Variants in SND1 observed in about 807,000 individuals in gnomAD.
The protein encoded by SND1 is staphylococcal nuclease and tudor domain containing 1.
Under a neutral mutation model 121.7 loss-of-function variants are expected in SND1, and 38 were observed. The observed-to-expected ratio is 0.31, with a 90% CI of 0.24 to 0.41. The LOEUF (loss-of-function observed/expected upper bound fraction) is 0.41. Among genes scored for constraint, SND1 ranks in the 10% least tolerant of loss-of-function variants. The probability of loss-of-function intolerance (pLI) is 1.00; values close to 1 mark genes in which losing one functional copy is unlikely to be tolerated. For missense variants in SND1, 868 were observed against 1,184.6 expected (o/e 0.73, Z 3.92); for synonymous variants, 401 against 447.4 (o/e 0.90, Z 1.31).
chr7:128,056,798 T>C (rs1314992574), intron 16 of SND1, among the ~76,000 whole-genome samples: 1 of 152,212 alleles, frequency 6.6e-6, no homozygotes, highest in African/African-American at 2.4e-5. Context: ...TACATATGCA[T>C]GCATATAATT....
chr7:128,054,787 C>T (rs1793107965), intron 16 of SND1, among the ~76,000 whole-genome samples: 1 of 152,138 alleles, frequency 6.6e-6, no homozygotes, highest in South Asian at 2.1e-4. Flanking sequence ...TCACCTATGC[C>T]CATGAATACT....
chr7:128,011,105 C>G (rs1269588889), intron 16 of SND1, among the ~76,000 whole-genome samples: 1 of 151,944 alleles, frequency 6.6e-6, no homozygotes, highest in East Asian at 1.9e-4. Flanking sequence ...CACTGTCCCC[C>G]CCACCCCCAA....
intron 7 of SND1, among the ~76,000 whole-genome samples, chr7:127,703,749 T>C (rs1403582602): frequency 6.6e-6 from 1 of 152,220 alleles, no homozygotes; most frequent in Non-Finnish European, 1.5e-5. Context: ...TAATATCTGC[T>C]GATTTTTGAG....
intron 12 of SND1, among the ~76,000 whole-genome samples, chr7:127,879,161 G>T (rs954026110): frequency 1.3e-4 from 20 of 152,076 alleles, no homozygotes; most frequent in African/African-American, 4.8e-4. Flanking sequence ...TTTGCACATT[G>T]CCCATTGTCT....
intron 10 of SND1, among the ~76,000 whole-genome samples, chr7:127,778,723 T>C (rs985222387): frequency 6.6e-6 from 1 of 152,222 alleles, no homozygotes; most frequent in Non-Finnish European, 1.5e-5. Context: ...TCTCACATAG[T>C]GCTTATGCAT....
chr7:127,976,370 A>G (rs570174675), intron 15 of SND1, among the ~76,000 whole-genome samples: 1 of 152,368 alleles, frequency 6.6e-6, no homozygotes, highest in Non-Finnish European at 1.5e-5. Context: ...TACCTCCTGC[A>G]TGGCTGCAAA....
intron 12 of SND1, chr7:127,857,928 A>G: frequency 2.9e-6 from 4 of 1,358,720 alleles, no homozygotes; most frequent in Non-Finnish European, 4.2e-6. Context: ...AGTAAACACC[A>G]TCAGGAAAGT....
rs181336669 is a variant in SND1, at chr7:127,715,436, C to T, written c.1039-5851C>T. On this transcript the variant is annotated intron_variant, in intron 9 of 23. Coordinates refer to ENST00000354725, the MANE Select transcript of SND1 (RefSeq NM_014390.4). ...AGTCACCCAGGTCATGAGCGTAGTA[C>T]CCAATAGGAAGTTTTTCAGCCCTGG... Among the ~76,000 whole-genome samples, 56 of 152,196 alleles carry T rather than the reference C, an allele frequency of 3.7e-4. 1 individual carries two copies. The highest frequency in any genetic ancestry group is 1.1e-3 in the African/African-American group (46 of 41,542).
chr7:127,928,965 G>A (rs371311644), intron 14 of SND1, among the ~76,000 whole-genome samples: 2 of 152,184 alleles, frequency 1.3e-5, no homozygotes, highest in Non-Finnish European at 2.9e-5. Flanking sequence ...CATTTTCCAA[G>A]CACCCTTTTA....
chr7:127,893,154 A>G (rs1178325453), intron 13 of SND1, among the ~76,000 whole-genome samples: 1 of 152,086 alleles, frequency 6.6e-6, no homozygotes, highest in Non-Finnish European at 1.5e-5. Flanking sequence ...TGTCATAAAA[A>G]TCTTTCATAT....
chr7:127,791,342 A>G (rs1321411677), intron 10 of SND1, among the ~76,000 whole-genome samples: 1 of 151,992 alleles, frequency 6.6e-6, no homozygotes, highest in Non-Finnish European at 1.5e-5. Context: ...TTGTAGAGAC[A>G]GGGTCTCACT....
At chr7:128,001,651 G>A (rs1196459263) in intron 16 of SND1, among the ~76,000 whole-genome samples, 3 of 152,226 alleles carry the variant, frequency 2.0e-5, no homozygotes. Flanking sequence ...AATTCTCTCA[G>A]CCGGGCACAG....
At chr7:127,799,110 G>A (rs895724073) in intron 10 of SND1, among the ~76,000 whole-genome samples, 4 of 152,200 alleles carry the variant, frequency 2.6e-5, no homozygotes, top group Admixed American at 6.5e-5. Context: ...ATTATCTGGT[G>A]TGGGCTTGGT....
At chr7:127,849,256 A>G (rs1372290113) in intron 12 of SND1, among the ~76,000 whole-genome samples, 2 of 152,148 alleles carry the variant, frequency 1.3e-5, no homozygotes, top group Non-Finnish European at 2.9e-5. Context: ...GCAGTGATTA[A>G]AATCTCCTTC....
At chr7:127,668,907 A>G (rs1795465366) in intron 1 of SND1, among the ~76,000 whole-genome samples, 1 of 151,628 alleles carries the variant, frequency 6.6e-6, no homozygotes, top group Non-Finnish European at 1.5e-5. Context: ...TGCAACTCCA[A>G]CTTGCCTCTG....
intron 12 of SND1, among the ~76,000 whole-genome samples, chr7:127,851,248 G>A (rs539446568): frequency 3.9e-5 from 6 of 152,312 alleles, no homozygotes; most frequent in African/African-American, 1.4e-4. Flanking sequence ...GTGCCAAGCT[G>A]TGGATGGATG....
chr7:127,680,656 T>C (rs1373078250), intron 1 of SND1, among the ~76,000 whole-genome samples: 1 of 151,904 alleles, frequency 6.6e-6, no homozygotes, highest in East Asian at 1.9e-4. Context: ...GCTGTTATCC[T>C]GTTCTTTTTT....
chr7:127,823,392 A>G (rs746660183), intron 11 of SND1, among the ~76,000 whole-genome samples: 4 of 152,160 alleles, frequency 2.6e-5, no homozygotes, highest in Non-Finnish European at 5.9e-5. Context: ...AGAACTCAAC[A>G]TCTTATTTCC....
chr7:127,751,982 C>T (rs1165825286), intron 10 of SND1, among the ~76,000 whole-genome samples: 4 of 152,258 alleles, frequency 2.6e-5, no homozygotes, highest in African/African-American at 4.8e-5. Flanking sequence ...AAGGCTGGCA[C>T]GCTTGCCTCT....
Sources: gnomAD v4.1 joint callset for allele counts (sites outside exome capture counted in the v4.1 genomes callset) on GRCh38, gnomAD v4.1.1 for gene constraint, MANE v1.5 for transcripts, NCBI Gene and HGNC (gene_info 2026-07-23, HGNC 2026-07-21) for gene names.